FBN3: variants seen among roughly 807,000 people sequenced by gnomAD.
FBN3 encodes fibrillin-3.
In FBN3, 234 loss-of-function variants were observed where a neutral mutation model predicts 330.1. The ratio of observed to expected loss-of-function variants is 0.71; its 90% CI spans 0.64 to 0.79. The LOEUF is 0.79. Ranked by LOEUF, FBN3 falls within the 30% of genes least tolerant of loss-of-function variation. The probability of loss-of-function intolerance (pLI) is 0.00; values close to 1 mark genes in which losing one functional copy is unlikely to be tolerated. For synonymous variants in FBN3, 1,458 were observed against 1,517.3 expected (o/e 0.96, Z 0.91); for missense variants, 3,606 against 3,886.9 (o/e 0.93, Z 1.92).
chr19:8,139,246 C>G (rs1204399133), intron 8 of FBN3, among the ~76,000 whole-genome samples: 1 of 151,898 alleles, frequency 6.6e-6, no homozygotes, highest in Non-Finnish European at 1.5e-5. Context: ...ACTTGGGAGG[C>G]TGAGGCAGGA....
chr19:8,093,580 G>A (rs1177126068), intron 47 of FBN3, among the ~76,000 whole-genome samples: 1 of 152,136 alleles, frequency 6.6e-6, no homozygotes, highest in Non-Finnish European at 1.5e-5. Context: ...CCGAGATTGT[G>A]CCACTGCACT....
At chr19:8,134,574 TAGTC>T (rs1813154682) in intron 13 of FBN3, among the ~76,000 whole-genome samples, 1 of 152,090 alleles carries the variant, frequency 6.6e-6, no homozygotes, top group Admixed American at 6.6e-5. Context: ...GCTTGCATAT[TAGTC>T]TGTCTGCTGG....
intron 20 of FBN3, 29 bp downstream of exon 20, chr19:8,126,439 T>C (rs7260558): frequency 1 from 1,598,378 of 1,603,120 alleles, 796,893 homozygotes; most frequent in Non-Finnish European, 1. Context: ...TTCCCATGGG[T>C]GCCTGGGAGG....
intron 53 of FBN3, 141 bp downstream of exon 53, chr19:8,087,684 G>A: frequency 3.2e-6 from 2 of 623,092 alleles, no homozygotes; most frequent in Non-Finnish European, 5.4e-6. Context: ...TCGGCTCACT[G>A]CAACCTCCGC....
chr19:8,132,833 C>CCCT, intron 14 of FBN3, 151 bp downstream of exon 14: 1 of 885,918 alleles, frequency 1.1e-6, no homozygotes, highest in Non-Finnish European at 1.6e-6. Context: ...CTCCCCTTTT[C>CCCT]CCTCCTCCTC....
chr19:8,113,413 C>T lies in FBN3; in HGVS notation c.3839-1314G>A, dbSNP rs184849840. 1.1e-4 allele frequency among the ~76,000 whole-genome samples: 16 copies of T among 152,256 alleles called. No homozygotes were observed. In the East Asian group the frequency reaches 2.7e-3, roughly 26 times the overall value. ...TTGAGTAGCTAAGACTACAGGTGAG[C>T]GCCAGCATGCCTGGCTATTTTTTAA... On this transcript the variant is annotated intron_variant, in intron 30 of 63. Transcript: ENST00000600128.
intron 61 of FBN3, among the ~76,000 whole-genome samples, chr19:8,074,584 G>A (rs1227232675): frequency 2.0e-5 from 3 of 151,864 alleles, no homozygotes; most frequent in Non-Finnish European, 4.4e-5. Context: ...GAAAAGAGCA[G>A]TGAAAGAGGC....
intron 18 of FBN3, among the ~76,000 whole-genome samples, chr19:8,127,895 C>G (rs1419768877): frequency 6.6e-6 from 1 of 152,148 alleles, no homozygotes; most frequent in Admixed American, 6.5e-5. Context: ...ACAGGATAAT[C>G]TCTTAAACGG....
chr19:8,081,169 T>C (rs369495535), intron 58 of FBN3, 50 bp from the exon 59 acceptor site: 35 of 1,556,514 alleles, frequency 2.2e-5, no homozygotes, highest in Non-Finnish European at 1.9e-5. Context: ...AGTGGGGGAT[T>C]AGGGGCTTCC....
intron 56 of FBN3, among the ~76,000 whole-genome samples, chr19:8,084,777 G>A (rs2081895856): frequency 6.6e-6 from 1 of 151,680 alleles, no homozygotes; most frequent in African/African-American, 2.4e-5. Context: ...TAGTAGAGAT[G>A]AGGTTTCACC....
intron 30 of FBN3, 124 bp downstream of exon 30, chr19:8,115,391 T>C (rs1474692861): frequency 1.6e-6 from 2 of 1,247,508 alleles, no homozygotes; most frequent in Admixed American, 2.3e-5. Flanking sequence ...CAAGAAGCCA[T>C]CCGTGGAAAT....
At chr19:8,076,128 G>A (rs183239682) in intron 59 of FBN3, among the ~76,000 whole-genome samples, 1 of 152,124 alleles carries the variant, frequency 6.6e-6, no homozygotes, top group Non-Finnish European at 1.5e-5. Flanking sequence ...AAACCAAGAA[G>A]AGAGCCCTCA....
At position 8,102,799 on chromosome 19, in the gene FBN3, T is replaced by C; in HGVS notation, c.5014A>G (p.Lys1672Glu). Residue 1672 changes from lysine (K) to glutamate (E), a missense_variant, in exon 40 of 64, where the codon AAA (lysine) becomes GAA (glutamate). Lys to Glu is a moderately conservative substitution (Grantham distance 56). Coordinates refer to ENST00000600128, the MANE Select transcript of FBN3 (RefSeq NM_032447.5). ...ATGTTGTAGGAGCAGCAACACATTT[T>C]CCGGGTCACGTTGAAGGCCAGCTCA... Reference protein sequence around the residue: ...QNELAFNVTRKMCCCSYNIGQ... With the variant: ...QNELAFNVTREMCCCSYNIGQ... 6.2e-7 allele frequency: 1 copy of C among 1,614,144 alleles called. No individual in the cohort carries two copies. The highest frequency in any genetic ancestry group is 1.1e-5 in the South Asian group (1 of 91,082).
In FBN3 at chr19:8,137,308, C is replaced by T. The variant is rs1320087604; in HGVS notation, c.1202-777G>A. Among the ~76,000 whole-genome samples the T allele has an allele frequency of 7.3e-5, 11 of 150,676 alleles. 1 individual carries two copies. The highest frequency in any genetic ancestry group is 6.6e-4 in the Admixed American group (10 of 15,082). On this transcript the variant is annotated intron_variant, in intron 10 of 63. Coordinates refer to ENST00000600128, the MANE Select transcript of FBN3 (RefSeq NM_032447.5). ...ATCCCTCCAACCTGGGCCCTAGATCCCTCCAACCTGGGGCCTTAGATCCCT... is the reference window on the plus strand; with the variant it reads ...ATCCCTCCAACCTGGGCCCTAGATCTCTCCAACCTGGGGCCTTAGATCCCT...
At position 8,103,696 on chromosome 19, in the gene FBN3, A is replaced by T; in HGVS notation, c.4814-9T>A. ...GGAGCATTCGTCAATATCTGCAGGG[A>T]AAGAAGGGGTGGAGGGGAACAGTGG... is the stretch of plus-strand genomic sequence containing the variant. On this transcript the variant is annotated splice_polypyrimidine_tract_variant and intron_variant, in intron 38 of 63. Coordinates refer to ENST00000600128, the MANE Select transcript of FBN3 (RefSeq NM_032447.5). 2 of 1,612,172 alleles carry T rather than the reference A, an allele frequency of 1.2e-6. No individual in the cohort carries two copies. Among genetic ancestry groups the T allele is most frequent in the Non-Finnish European group, 8.5e-7 (1 of 1,178,870 alleles).
rs2082215817 is a variant in FBN3, at chr19:8,096,654, A to C, written c.5414-85T>G. On this transcript the variant is annotated intron_variant, in intron 43 of 63. Coordinates refer to ENST00000600128, the MANE Select transcript of FBN3 (RefSeq NM_032447.5). The surrounding 1 kb of genome is among the most constrained non-coding windows in gnomAD (Gnocchi z 4.6). Reference sequence around the variant, plus strand: ...TCCCTACTGCAATGGGGAAGCCAGAATCTGCCTTGAAGTTCCCCACTCAAA... The same window carrying C: ...TCCCTACTGCAATGGGGAAGCCAGACTCTGCCTTGAAGTTCCCCACTCAAA... The C allele has an allele frequency of 6.6e-7, 1 of 1,510,068 alleles. No homozygotes were observed. Among genetic ancestry groups the C allele is most frequent in the South Asian group, 1.3e-5 (1 of 78,082 alleles). 93.5% of individuals were successfully genotyped at this position (1,510,068 alleles called of 1,614,324 possible).
Position 8,138,219 on chromosome 19 carries a change from G to C in FBN3, c.1123C>G (p.Leu375Val), listed in dbSNP as rs1330878649. 6.2e-7 allele frequency: 1 copy of C among 1,612,324 alleles called. No homozygotes were observed. The highest frequency in any genetic ancestry group is 8.5e-7 in the Non-Finnish European group (1 of 1,179,592). Reference sequence around the variant, plus strand: ...TGGGGGTTGAGTCGCGCTGGCCCAAGAGGGGGACCCATGCCATTGGATCCG... The same window carrying C: ...TGGGGGTTGAGTCGCGCTGGCCCAACAGGGGGACCCATGCCATTGGATCCG... Reference protein sequence around the residue: ...GFGSNGMGPPLGPARLNPHGS... With the variant: ...GFGSNGMGPPVGPARLNPHGS... Residue 375 changes from leucine to valine, a missense_variant, in exon 10 of 64, where the codon CTT becomes GTT. Coordinates refer to ENST00000600128, the MANE Select transcript of FBN3 (RefSeq NM_032447.5).
chr19:8,135,963 A>G lies in FBN3; in HGVS notation c.1589T>C (p.Val530Ala). ...FELSPDGKNCVDHNECATSTM... is the reference protein window; with the variant it reads ...FELSPDGKNCADHNECATSTM... ...CCACCCGCCCACCCCCAACTCACCC[A>G]CACAGTTCTTGCCGTCAGGGCTGAG... The change falls in exon 13 of 64, where the codon GTG (valine) becomes GCG (alanine). Residue 530 changes from valine to alanine, a missense_variant and splice_region_variant. Physicochemically the swap from Val to Ala is moderately conservative, Grantham distance 64. Transcript: ENST00000600128. 1 of 189,910 alleles carries G rather than the reference A, an allele frequency of 5.3e-6. No homozygotes were observed. Among genetic ancestry groups the G allele is most frequent in the Admixed American group, 9.2e-5 (1 of 10,854 alleles). 11.8% of individuals were successfully genotyped at this position (189,910 alleles called of 1,614,324 possible). A position where few individuals can be genotyped will look rare whatever the true frequency, so the allele number is the denominator to read the frequency against.
In FBN3 at chr19:8,103,685, T is replaced by C. The variant is rs1462205765; in HGVS notation, c.4816A>G (p.Ile1606Val). The C allele has an allele frequency of 1.9e-6, 3 of 1,612,786 alleles. No homozygotes were observed. The highest frequency in any genetic ancestry group is 2.5e-6 in the Non-Finnish European group (3 of 1,179,244). The change falls in exon 39 of 64, where the codon ATT (isoleucine) becomes GTT (valine). Residue 1606 changes from isoleucine (I) to valine (V), a missense_variant and splice_region_variant. Ile to Val is a conservative substitution (Grantham distance 29). Coordinates refer to ENST00000600128, the MANE Select transcript of FBN3 (RefSeq NM_032447.5). ...CCGGAGTGTGTGGAGCATTCGTCAA[T>C]ATCTGCAGGGAAAGAAGGGGTGGAG... The part of the protein sequence containing the change: ...LSEHTRICED[I>V]DECSTHSGIC...
Sources: allele counts gnomAD v4.1 joint callset (sites outside exome capture counted in the v4.1 genomes callset), GRCh38; gene constraint gnomAD v4.1.1; non-coding constraint Gnocchi (gnomAD v3.1); transcripts MANE v1.5; gene names NCBI Gene and HGNC (gene_info 2026-07-23, HGNC 2026-07-21).